AKAP6: variants seen among roughly 807,000 people sequenced by gnomAD.
The protein encoded by AKAP6 is A-kinase anchor protein 6.
In AKAP6, 58 loss-of-function variants were observed where a neutral mutation model predicts 188.5. The observed-to-expected ratio is 0.31, with a 90% CI of 0.25 to 0.38. The LOEUF is 0.38. Among genes scored for constraint, AKAP6 ranks in the 10% least tolerant of loss-of-function variants. AKAP6 has a pLI of 1.00. For missense variants in AKAP6, 2,710 were observed against 2,740.0 expected (o/e 0.99, Z 0.24); for synonymous variants, 989 against 998.6 (o/e 0.99, Z 0.18).
At chr14:32,496,989 A>C (rs747995139) in intron 2 of AKAP6, among the ~76,000 whole-genome samples, 4 of 152,110 alleles carry the variant, frequency 2.6e-5, no homozygotes, top group Non-Finnish European at 4.4e-5. Flanking sequence ...TGGTCTCTTA[A>C]AAAGAACTTA....
intron 9 of AKAP6, among the ~76,000 whole-genome samples, chr14:32,701,898 A>G (rs932175050): frequency 6.6e-6 from 1 of 152,128 alleles, no homozygotes; most frequent in Non-Finnish European, 1.5e-5. Flanking sequence ...ATAGAAGACA[A>G]TTCATTAACT....
chr14:32,763,338 C>T (rs2032601730), intron 11 of AKAP6, among the ~76,000 whole-genome samples: 1 of 152,110 alleles, frequency 6.6e-6, no homozygotes, highest in South Asian at 2.1e-4. Context: ...TATATCAATA[C>T]CTTTTCCATA....
chr14:32,522,153 T>C (rs1247418800), intron 2 of AKAP6, among the ~76,000 whole-genome samples: 1 of 152,110 alleles, frequency 6.6e-6, no homozygotes, highest in Non-Finnish European at 1.5e-5. Flanking sequence ...AATCTGAAAC[T>C]GGATCCTTCC....
In AKAP6 at chr14:32,825,282, T is replaced by C. The variant is rs888085179; in HGVS notation, c.*42+467T>C. On this transcript the variant is annotated intron_variant, in intron 13 of 13. Transcript: ENST00000280979. ...CATCTCCTGATTTGGCCCTTCCTTTTATGCTTCTGTCTAATGTAACTATCG... is the reference window on the plus strand; with the variant it reads ...CATCTCCTGATTTGGCCCTTCCTTTCATGCTTCTGTCTAATGTAACTATCG... 4.6e-5 allele frequency among the ~76,000 whole-genome samples: 7 copies of C among 152,310 alleles called. No homozygotes were observed. In the East Asian group the frequency reaches 1.4e-3, roughly 29 times the overall value.
At chr14:32,806,312 A>G (rs2034088743) in intron 12 of AKAP6, among the ~76,000 whole-genome samples, 1 of 152,216 alleles carries the variant, frequency 6.6e-6, no homozygotes, top group African/African-American at 2.4e-5. Context: ...CAAAACTGTT[A>G]GATACTTGAT....
At chr14:32,662,769 C>T (rs893840323) in intron 7 of AKAP6, among the ~76,000 whole-genome samples, 1 of 151,956 alleles carries the variant, frequency 6.6e-6, no homozygotes, top group Non-Finnish European at 1.5e-5. Context: ...TTCTGTTTTC[C>T]GTCAGATATT....
At chr14:32,363,515 A>G (rs1335973930) in intron 1 of AKAP6, among the ~76,000 whole-genome samples, 2 of 152,346 alleles carry the variant, frequency 1.3e-5, no homozygotes, top group South Asian at 2.1e-4. Context: ...TGAAGGCCCA[A>G]GAGCCACTGG....
intron 11 of AKAP6, among the ~76,000 whole-genome samples, chr14:32,764,512 C>T (rs1296118961): frequency 6.6e-6 from 1 of 152,198 alleles, no homozygotes; most frequent in Non-Finnish European, 1.5e-5. Context: ...AGAAATCATA[C>T]AGGCTTCTTC....
intron 4 of AKAP6, among the ~76,000 whole-genome samples, chr14:32,562,583 C>T (rs28657883): frequency 0.015 from 2,281 of 152,098 alleles, 48 homozygotes; most frequent in African/African-American, 0.049. Flanking sequence ...CATGGTGAAA[C>T]CCTGTCTCTA....
At chr14:32,447,810 G>T (rs1890805333) in intron 2 of AKAP6, among the ~76,000 whole-genome samples, 1 of 152,184 alleles carries the variant, frequency 6.6e-6, no homozygotes, top group South Asian at 2.1e-4. Context: ...CTGTCCAAAT[G>T]AGAGGATGTG....
chr14:32,797,700 C>G (rs2033813022), intron 12 of AKAP6, among the ~76,000 whole-genome samples: 1 of 151,876 alleles, frequency 6.6e-6, no homozygotes, highest in African/African-American at 2.4e-5. Flanking sequence ...ATGGGATGAT[C>G]TGTGCAGCAA....
chr14:32,393,182 A>C (rs1888766575), intron 1 of AKAP6, among the ~76,000 whole-genome samples: 1 of 152,152 alleles, frequency 6.6e-6, no homozygotes, highest in African/African-American at 2.4e-5. Flanking sequence ...TAACCAAGTG[A>C]CCAAAGTTAA....
rs768932961 is a variant in AKAP6, at chr14:32,773,669, A to G, written c.3373-9A>G. On this transcript the variant is annotated splice_polypyrimidine_tract_variant and intron_variant, in intron 11 of 13. Transcript: ENST00000280979. ...AACACTCATAGATTGGTTTCTCTCT[A>G]TGTTGCAGTCCCTCTGTCGTGAAAT... 6 of 1,612,894 alleles carry G rather than the reference A, an allele frequency of 3.7e-6. No homozygotes were observed. Among genetic ancestry groups the G allele is most frequent in the Middle Eastern group, 3.3e-4 (2 of 6,072 alleles).
chr14:32,522,939 A>G (rs1881921767), intron 2 of AKAP6, among the ~76,000 whole-genome samples: 2 of 152,224 alleles, frequency 1.3e-5, no homozygotes, highest in South Asian at 2.1e-4. Flanking sequence ...ATGTCCATCA[A>G]TGATAGACTA....
intron 10 of AKAP6, chr14:32,734,669 CAAT>C (rs1420351660): frequency 1.3e-5 from 2 of 152,018 alleles, no homozygotes; most frequent in African/African-American, 4.8e-5. Flanking sequence ...AGCGTAAAAA[CAAT>C]AGCTAAATCT....
At chr14:32,667,774 A>G (rs1269753554) in intron 7 of AKAP6, among the ~76,000 whole-genome samples, 1 of 152,124 alleles carries the variant, frequency 6.6e-6, no homozygotes, top group Non-Finnish European at 1.5e-5. Context: ...GTTTTGATAA[A>G]TAAATTGTTA....
chr14:32,554,942 G>T (rs1205917189), intron 4 of AKAP6, among the ~76,000 whole-genome samples: 1 of 152,196 alleles, frequency 6.6e-6, no homozygotes, highest in Non-Finnish European at 1.5e-5. Flanking sequence ...ATACAGAATC[G>T]ATGGATGCAT....
At chr14:32,492,382 A>AGAGAGAGAGAGG (rs1488889081) in intron 2 of AKAP6, among the ~76,000 whole-genome samples, 2 of 143,342 alleles carry the variant, frequency 1.4e-5, no homozygotes, top group African/African-American at 5.1e-5. Flanking sequence ...AGAGAGAGAG[A>AGAGAGAGAGAGG]GGCATTTGGA....
At chr14:32,759,615 G>A (rs866811866) in intron 11 of AKAP6, among the ~76,000 whole-genome samples, 33 of 152,250 alleles carry the variant, frequency 2.2e-4, no homozygotes, top group African/African-American at 6.7e-4. Flanking sequence ...AGTTCTGCAG[G>A]CTTCACAGGA....
Sources: allele counts gnomAD v4.1 joint callset (sites outside exome capture counted in the v4.1 genomes callset), GRCh38; gene constraint gnomAD v4.1.1; transcripts MANE v1.5; gene names NCBI Gene and HGNC (gene_info 2026-07-23, HGNC 2026-07-21).